MTUS2: variants seen among roughly 807,000 people sequenced by gnomAD.
The protein encoded by MTUS2 is microtubule-associated tumor suppressor candidate 2.
MTUS2 carries 40 observed loss-of-function variants against 114.1 expected under a neutral mutation model. The observed-to-expected ratio is 0.35, with a 90% CI of 0.27 to 0.46. The LOEUF (loss-of-function observed/expected upper bound fraction) is 0.46, where lower values mean the gene tolerates loss of function less well. Among genes scored for constraint, MTUS2 ranks in the 20% least tolerant of loss-of-function variants. The probability of loss-of-function intolerance (pLI) is 1.00; values close to 1 mark genes in which losing one functional copy is unlikely to be tolerated. For synonymous variants in MTUS2, 688 were observed against 672.0 expected, an observed-to-expected ratio of 1.02 and a Z score of -0.37; for missense variants, 1,679 against 1,705.4, an observed-to-expected ratio of 0.98 and a Z score of 0.27.
At chr13:29,147,093 C>T (rs1566032267) in intron 5 of MTUS2, among the ~76,000 whole-genome samples, 3 of 152,132 alleles carry the variant, frequency 2.0e-5, no homozygotes, top group Non-Finnish European at 4.4e-5. Context: ...GCCTATAAGT[C>T]ATGTCAAAGC....
At chr13:29,279,264 C>G (rs1898180032) in intron 5 of MTUS2, among the ~76,000 whole-genome samples, 1 of 152,126 alleles carries the variant, frequency 6.6e-6, no homozygotes, top group South Asian at 2.1e-4. Flanking sequence ...CCATTAACCA[C>G]CTTGCTGATG....
chr13:29,429,487 C>T (rs1333596734), intron 8 of MTUS2, among the ~76,000 whole-genome samples: 2 of 152,318 alleles, frequency 1.3e-5, no homozygotes, highest in Admixed American at 6.5e-5. Context: ...GTGTTCAAGT[C>T]TTCACAGGAG....
At chr13:29,260,250 G>C (rs558269454) in intron 5 of MTUS2, among the ~76,000 whole-genome samples, 1 of 152,178 alleles carries the variant, frequency 6.6e-6, no homozygotes, top group Non-Finnish European at 1.5e-5. Flanking sequence ...GAAATCAGTT[G>C]CTATTTATGT....
chr13:29,056,740 T>C (rs902644919), intron 4 of MTUS2, among the ~76,000 whole-genome samples: 1 of 152,078 alleles, frequency 6.6e-6, no homozygotes, highest in Non-Finnish European at 1.5e-5. Context: ...CCATGTTGTT[T>C]ATTCTTTCAA....
At chr13:28,908,271 C>T (rs1312345468) in intron 2 of MTUS2, among the ~76,000 whole-genome samples, 3 of 151,380 alleles carry the variant, frequency 2.0e-5, no homozygotes. Context: ...AGGTATATCT[C>T]CAAACGCTAT....
intron 1 of MTUS2, among the ~76,000 whole-genome samples, chr13:28,837,087 A>C (rs1566167693): frequency 6.6e-6 from 1 of 152,126 alleles, no homozygotes; most frequent in Non-Finnish European, 1.5e-5. Context: ...ACTCCTGCTG[A>C]ATCGAGAGAC....
chr13:29,341,164 C>T (rs1901374982), intron 7 of MTUS2, among the ~76,000 whole-genome samples: 1 of 152,082 alleles, frequency 6.6e-6, no homozygotes, highest in African/African-American at 2.4e-5. Context: ...GGGTAGATAC[C>T]CAGTAGTGGG....
At chr13:29,168,465 G>C (rs746117202) in intron 5 of MTUS2, among the ~76,000 whole-genome samples, 2 of 152,172 alleles carry the variant, frequency 1.3e-5, no homozygotes, top group African/African-American at 2.4e-5. Context: ...TTCTCACAAG[G>C]AAGAGAACTG....
chr13:29,373,145 G>A (rs1221440781), intron 8 of MTUS2, among the ~76,000 whole-genome samples: 1 of 152,192 alleles, frequency 6.6e-6, no homozygotes, highest in African/African-American at 2.4e-5. Flanking sequence ...GTGGGAAAGG[G>A]AACTCCTAGA....
chr13:29,098,406 C>T (rs144037463), intron 4 of MTUS2, among the ~76,000 whole-genome samples: 13 of 152,010 alleles, frequency 8.6e-5, no homozygotes, highest in African/African-American at 1.4e-4. Context: ...AAATTGTATG[C>T]GCAGAGAGTT....
At chr13:29,421,019 TATCTC>T (rs1259522770) in intron 8 of MTUS2, among the ~76,000 whole-genome samples, 1 of 152,214 alleles carries the variant, frequency 6.6e-6, no homozygotes, top group Non-Finnish European at 1.5e-5. Flanking sequence ...TCTGAGAACA[TATCTC>T]AGAGCAAAAA....
intron 7 of MTUS2, among the ~76,000 whole-genome samples, chr13:29,329,788 A>T (rs1415908623): frequency 6.6e-6 from 1 of 151,320 alleles, no homozygotes; most frequent in Non-Finnish European, 1.5e-5. Context: ...TAATTTTTTT[A>T]TTTTTAGTAG....
chr13:29,106,419 G>A (rs1322032573), intron 5 of MTUS2, among the ~76,000 whole-genome samples: 1 of 152,172 alleles, frequency 6.6e-6, no homozygotes, highest in Non-Finnish European at 1.5e-5. Context: ...GAGTGCAGTG[G>A]CATGATCTCG....
chr13:29,093,256 A>G (rs1291453266), intron 4 of MTUS2, among the ~76,000 whole-genome samples: 4 of 152,230 alleles, frequency 2.6e-5, no homozygotes, highest in Admixed American at 2.6e-4. Flanking sequence ...CATCCTGGCC[A>G]ACATGGTGAA....
At chr13:29,294,150 A>G (rs1898838006) in intron 6 of MTUS2, among the ~76,000 whole-genome samples, 1 of 152,150 alleles carries the variant, frequency 6.6e-6, no homozygotes, top group African/African-American at 2.4e-5. Flanking sequence ...AAATATCTCA[A>G]AGCCTCACAG....
intron 2 of MTUS2, among the ~76,000 whole-genome samples, chr13:28,909,486 C>G (rs1342924281): frequency 6.6e-6 from 1 of 151,982 alleles, no homozygotes; most frequent in Non-Finnish European, 1.5e-5. Context: ...ATTTGGCTCT[C>G]TGTTTAAAAC....
At chr13:29,191,030 C>T (rs191012490) in intron 5 of MTUS2, among the ~76,000 whole-genome samples, 12 of 152,288 alleles carry the variant, frequency 7.9e-5, no homozygotes, top group Admixed American at 7.2e-4. Context: ...CGTTACCTTA[C>T]AGCTGCCACA....
intron 5 of MTUS2, among the ~76,000 whole-genome samples, chr13:29,198,759 G>A (rs1333604558): frequency 6.6e-6 from 1 of 152,082 alleles, no homozygotes; most frequent in East Asian, 1.9e-4. Context: ...GTGGTTTGTA[G>A]TTCTCCTTGA....
intron 2 of MTUS2, among the ~76,000 whole-genome samples, chr13:29,015,130 G>C (rs1886012740): frequency 6.6e-6 from 1 of 152,230 alleles, no homozygotes; most frequent in African/African-American, 2.4e-5. Context: ...TGGGTTGGAG[G>C]ACTGTTTGGA....
Sources: gnomAD v4.1 joint callset for allele counts (sites outside exome capture counted in the v4.1 genomes callset) on GRCh38, gnomAD v4.1.1 for gene constraint, MANE v1.5 for transcripts, NCBI Gene and HGNC (gene_info 2026-07-23, HGNC 2026-07-21) for gene names.